Variants in C1orf185 observed in about 807,000 individuals in gnomAD.
C1orf185 encodes the protein chromosome 1 open reading frame 185, also known as uncharacterized protein C1orf185.
In C1orf185, 13 loss-of-function variants were observed where a neutral mutation model predicts 16.1. That is an observed-to-expected ratio of 0.81 (90% CI 0.53 to 1.28). The LOEUF (loss-of-function observed/expected upper bound fraction) is 1.28, where lower values mean the gene tolerates loss of function less well. Ranked by LOEUF, C1orf185 falls within the 50% of genes most tolerant of loss-of-function variation. The probability of loss-of-function intolerance (pLI) is 0.00; values close to 1 mark genes in which losing one functional copy is unlikely to be tolerated. For missense variants in C1orf185, 220 were observed against 225.2 expected, an observed-to-expected ratio of 0.98 and a Z score of 0.15; for synonymous variants, 80 against 76.9, an observed-to-expected ratio of 1.04 and a Z score of -0.21.
At chr1:51,132,975 A>G (rs763006974) in intron 3 of C1orf185, among the ~76,000 whole-genome samples, 2 of 152,186 alleles carry the variant, frequency 1.3e-5, no homozygotes, top group African/African-American at 2.4e-5. Flanking sequence ...TTCATAAACA[A>G]AGGAGAAATA....
At chr1:51,151,406 G>T (rs1232316994), downstream of C1orf185, among the ~76,000 whole-genome samples, 4 of 152,140 alleles carry the variant, frequency 2.6e-5, no homozygotes, top group African/African-American at 9.7e-5. Context: ...TGGAGAATCA[G>T]AGAAGGAGTC....
At chr1:51,108,572 A>T (rs1021554531) in intron 1 of C1orf185, among the ~76,000 whole-genome samples, 6 of 151,890 alleles carry the variant, frequency 4.0e-5, no homozygotes, top group Non-Finnish European at 8.8e-5. Flanking sequence ...ACTTCTCATC[A>T]TCCTCCCTTC....
chr1:51,105,216 C>T (rs1212680485), intron 1 of C1orf185, among the ~76,000 whole-genome samples: 1 of 152,076 alleles, frequency 6.6e-6, no homozygotes, highest in Non-Finnish European at 1.5e-5. Flanking sequence ...ATCTGCCTGC[C>T]TCGGCCTCCC....
In C1orf185 at chr1:51,134,622, G is replaced by A. The variant is rs373775755; in HGVS notation, c.259-11102G>A. Among the ~76,000 whole-genome samples, 4 of 151,922 alleles carry A rather than the reference G, an allele frequency of 2.6e-5. No homozygotes were observed. In the South Asian group the frequency reaches 8.3e-4, roughly 32 times the overall value. On this transcript the variant is annotated intron_variant, in intron 3 of 4. Coordinates refer to ENST00000371759, the MANE Select transcript of C1orf185 (RefSeq NM_001136508.2). ...AGACCACTAGCTAGACTAACATAGA[G>A]GAAAAGAGACTGTTCAAATAAACAC...
intron 3 of C1orf185, among the ~76,000 whole-genome samples, chr1:51,124,317 A>G (rs1253043204): frequency 6.6e-6 from 1 of 152,136 alleles, no homozygotes; most frequent in African/African-American, 2.4e-5. Flanking sequence ...CCTGGCCTCA[A>G]GTGATCCGCC....
intron 1 of C1orf185, among the ~76,000 whole-genome samples, chr1:51,104,400 A>T (rs991327338): frequency 1.3e-5 from 2 of 152,216 alleles, no homozygotes; most frequent in Admixed American, 6.5e-5. Flanking sequence ...ATAAATATAT[A>T]ACACATAAAT....
At chr1:51,106,115 C>CTA (rs1646069668) in intron 1 of C1orf185, among the ~76,000 whole-genome samples, 2 of 151,936 alleles carry the variant, frequency 1.3e-5, no homozygotes, top group Admixed American at 6.6e-5. Flanking sequence ...GAGGTGAAAG[C>CTA]TAAGTGGGCT....
At chr1:51,150,639 T>C (rs1192744283), downstream of C1orf185, among the ~76,000 whole-genome samples, 2 of 152,246 alleles carry the variant, frequency 1.3e-5, no homozygotes, top group African/African-American at 4.8e-5. Flanking sequence ...AATCTCATTT[T>C]CAAGAACTAT....
At chr1:51,150,310 C>T (rs752143032), downstream of C1orf185, among the ~76,000 whole-genome samples, 1 of 151,766 alleles carries the variant, frequency 6.6e-6, no homozygotes, top group Non-Finnish European at 1.5e-5. Flanking sequence ...CTCCTGCCTC[C>T]GCCTCCTGAG....
At chr1:51,116,544 T>C (rs56840431) in intron 2 of C1orf185, among the ~76,000 whole-genome samples, 11,672 of 152,018 alleles carry the variant, frequency 0.077, 1,359 homozygotes, top group African/African-American at 0.25. Context: ...GAACTCCTGA[T>C]CTTAGGTGAT....
chr1:51,135,168 T>G (rs901787940), intron 3 of C1orf185, among the ~76,000 whole-genome samples: 2 of 152,242 alleles, frequency 1.3e-5, no homozygotes, highest in Non-Finnish European at 2.9e-5. Flanking sequence ...GTAGGCTTTA[T>G]TCCTGGGATG....
At chr1:51,148,588 G>A (rs547510596), downstream of C1orf185, among the ~76,000 whole-genome samples, 9 of 152,214 alleles carry the variant, frequency 5.9e-5, no homozygotes, top group Middle Eastern at 3.4e-3. Context: ...TATGCTTTTA[G>A]TAAGCAGTAT....
At chr1:51,137,797 G>C (rs768677685) in intron 3 of C1orf185, among the ~76,000 whole-genome samples, 1 of 152,066 alleles carries the variant, frequency 6.6e-6, no homozygotes, top group Non-Finnish European at 1.5e-5. Flanking sequence ...ACATGGAATC[G>C]ACCTAAATGC....
chr1:51,108,850 C>T (rs1185016256), intron 1 of C1orf185, among the ~76,000 whole-genome samples: 1 of 152,162 alleles, frequency 6.6e-6, no homozygotes, highest in East Asian at 1.9e-4. Context: ...CATATCTTGG[C>T]TATCGTGAAT....
chr1:51,113,134 A>G (rs1646134855), intron 2 of C1orf185, among the ~76,000 whole-genome samples: 1 of 151,806 alleles, frequency 6.6e-6, no homozygotes, highest in African/African-American at 2.4e-5. Flanking sequence ...TTTCTAGAAG[A>G]CATAGGTTTG....
At chr1:51,114,651 A>G (rs1646145215) in intron 2 of C1orf185, among the ~76,000 whole-genome samples, 2 of 152,194 alleles carry the variant, frequency 1.3e-5, no homozygotes, top group Non-Finnish European at 2.9e-5. Flanking sequence ...TGAACCCTGA[A>G]GGCAGAGATT....
At chr1:51,129,985 GT>G in intron 3 of C1orf185, among the ~76,000 whole-genome samples, 1 of 152,226 alleles carries the variant, frequency 6.6e-6, no homozygotes, top group East Asian at 1.9e-4. Flanking sequence ...ATCCCTCCAA[GT>G]TGCTGCATCA....
intron 3 of C1orf185, among the ~76,000 whole-genome samples, chr1:51,130,831 C>A (rs1413734247): frequency 6.6e-6 from 1 of 152,090 alleles, no homozygotes; most frequent in Admixed American, 6.6e-5. Flanking sequence ...CAGTTTTGTT[C>A]TTTTTCAAGA....
chr1:51,136,417 CA>C (rs1215802152), intron 3 of C1orf185, among the ~76,000 whole-genome samples: 1 of 149,438 alleles, frequency 6.7e-6, no homozygotes, highest in Non-Finnish European at 1.5e-5. Flanking sequence ...CTCACTGAAA[CA>C]AAAAAGAGCC....
Sources: gnomAD v4.1 joint callset for allele counts (sites outside exome capture counted in the v4.1 genomes callset) on GRCh38, gnomAD v4.1.1 for gene constraint, MANE v1.5 for transcripts, NCBI Gene and HGNC (gene_info 2026-07-23, HGNC 2026-07-21) for gene names.